TCF12: variants seen among roughly 807,000 people sequenced by gnomAD.
TCF12 encodes transcription factor 12.
A neutral mutation model predicts 86.0 loss-of-function variants in TCF12; 45 were observed. The ratio of observed to expected loss-of-function variants is 0.52; its 90% CI spans 0.41 to 0.67. TCF12 has a LOEUF of 0.67. TCF12 is among the 30% of genes least tolerant of loss of function. TCF12 has a pLI of 0.00. For synonymous variants in TCF12, 330 were observed against 299.6 expected, an observed-to-expected ratio of 1.10 and a Z score of -1.05; for missense variants, 881 against 859.9, an observed-to-expected ratio of 1.02 and a Z score of -0.31.
intron 3 of TCF12, among the ~76,000 whole-genome samples, chr15:57,017,403 T>A (rs2065215483): frequency 1.3e-5 from 2 of 152,240 alleles, no homozygotes; most frequent in African/African-American, 4.8e-5. Context: ...TGTTGTAACA[T>A]AGCCGCACCA....
chr15:56,997,403 A>C (rs2063772088), intron 3 of TCF12, among the ~76,000 whole-genome samples: 1 of 152,222 alleles, frequency 6.6e-6, no homozygotes, highest in South Asian at 2.1e-4. Context: ...CTCACTTACA[A>C]GTGAGAGCTA....
intron 6 of TCF12, among the ~76,000 whole-genome samples, chr15:57,187,338 G>A (rs1311167565): frequency 3.3e-5 from 5 of 152,026 alleles, no homozygotes; most frequent in Non-Finnish European, 7.4e-5. Flanking sequence ...AAACCATCTC[G>A]CTAAGATTGG....
chr15:56,918,367 C>T (rs1167972389), upstream of TCF12: 1 of 390,492 alleles, frequency 2.6e-6, no homozygotes, highest in Non-Finnish European at 5.2e-6. Context: ...GTACCTGCCA[C>T]CCCGCTCCCA....
chr15:57,287,529 T>G lies in TCF12; in HGVS notation c.*1384T>G, dbSNP rs2061971773. The G allele has an allele frequency of 6.6e-6, 1 of 152,642 alleles. No individual in the cohort carries two copies. The allele number at this position is 152,642 out of a possible 1,614,324, so 9.5% of individuals were successfully genotyped here. ...CTCTGTCTCTAATCCTTAGGAGTTG[T>G]TTTAAAAGACATAATCACTTTGAAC... On this transcript the variant is annotated 3_prime_UTR_variant, in exon 21 of 21. Transcript: ENST00000333725.
intron 3 of TCF12, among the ~76,000 whole-genome samples, chr15:57,056,188 T>A (rs1007174252): frequency 4.6e-5 from 7 of 151,390 alleles, no homozygotes; most frequent in African/African-American, 1.5e-4. Flanking sequence ...TTGCCCAGGC[T>A]GGAGTGCAAT....
intron 5 of TCF12, among the ~76,000 whole-genome samples, chr15:57,106,370 G>A (rs1027238018): frequency 6.6e-6 from 1 of 152,196 alleles, no homozygotes; most frequent in African/African-American, 2.4e-5. Context: ...GGAATTTTCT[G>A]TACTAACTGA....
chr15:57,254,874 A>AAAG (rs71113092), intron 16 of TCF12, among the ~76,000 whole-genome samples: 47,193 of 104,180 alleles, frequency 0.45, 12,233 homozygotes, highest in Non-Finnish European at 0.63. Flanking sequence ...AAAAAAAAAA[A>AAAG]AAAGAAAGAA....
intron 1 of TCF12, 165 bp from the exon 2 acceptor site, chr15:56,919,727 G>T (rs1422704858): frequency 3.8e-6 from 2 of 526,780 alleles, no homozygotes; most frequent in Non-Finnish European, 6.6e-6. Context: ...CGGGCACTGA[G>T]CCCTCCCGCC....
chr15:57,152,554 C>T (rs1309568304), intron 5 of TCF12, among the ~76,000 whole-genome samples: 1 of 141,260 alleles, frequency 7.1e-6, no homozygotes, highest in Non-Finnish European at 1.5e-5. Flanking sequence ...AAAAAAAAAA[C>T]AGAGGTAAAT....
Position 57,253,387 on chromosome 15 carries a change from A to C in TCF12, c.1386A>C (p.Pro462=). The change falls in exon 16 of 21, where the codon CCA becomes CCC. Residue 462 remains proline (P), a synonymous_variant. Transcript: ENST00000333725. ...GTGATATACATAGTTTATTGGGACC[A>C]TCCCATAATGCACCAATTGGAAGCC... The part of the protein sequence containing the change: ...GHSDIHSLLG[P]SHNAPIGSLN... 4 of 1,614,154 alleles carry C rather than the reference A, an allele frequency of 2.5e-6. No individual in the cohort carries two copies. The highest frequency in any genetic ancestry group is 3.4e-6 in the Non-Finnish European group (4 of 1,179,998).
Position 57,230,950 on chromosome 15 carries a change from A to G in TCF12, c.580-202A>G, listed in dbSNP as rs533619939. On this transcript the variant is annotated intron_variant, in intron 8 of 20. Transcript: ENST00000333725. ...AGAGTAGTAGTTTTCCCTAATAACCAGCTTAAAAAAAAAAAACATGTGGAT... is the reference window on the plus strand; with the variant it reads ...AGAGTAGTAGTTTTCCCTAATAACCGGCTTAAAAAAAAAAAACATGTGGAT... Among the ~76,000 whole-genome samples the G allele has an allele frequency of 5.9e-5, 7 of 117,984 alleles. No individual in the cohort carries two copies. In the East Asian group the frequency reaches 1.6e-3, roughly 27 times the overall value. The allele number at this position is 117,984 out of a possible 152,430, so 77.4% of individuals were successfully genotyped here.
intron 2 of TCF12, among the ~76,000 whole-genome samples, chr15:56,920,567 C>T (rs1275664373): frequency 6.6e-6 from 1 of 151,546 alleles, no homozygotes; most frequent in Non-Finnish European, 1.5e-5. Context: ...TAAGGGCCCA[C>T]TGCTTTTATT....
At chr15:57,162,509 C>T (rs1326432796) in intron 5 of TCF12, among the ~76,000 whole-genome samples, 1 of 152,090 alleles carries the variant, frequency 6.6e-6, no homozygotes, top group Non-Finnish European at 1.5e-5. Flanking sequence ...AATGTATTTA[C>T]AGTTCAAAAT....
intron 8 of TCF12, among the ~76,000 whole-genome samples, chr15:57,230,415 T>C (rs1258169123): frequency 3.9e-5 from 6 of 152,010 alleles, no homozygotes; most frequent in African/African-American, 1.4e-4. Context: ...TTTTGATCAT[T>C]AAGGTTATTT....
At chr15:56,994,086 A>G (rs1477021931) in intron 3 of TCF12, among the ~76,000 whole-genome samples, 9 of 152,218 alleles carry the variant, frequency 5.9e-5, no homozygotes, top group South Asian at 2.1e-4. Context: ...GAAAAATACA[A>G]TAAGTTAGGG....
chr15:57,142,234 A>G (rs1401066070), intron 5 of TCF12, among the ~76,000 whole-genome samples: 2 of 152,178 alleles, frequency 1.3e-5, no homozygotes, highest in East Asian at 3.8e-4. Context: ...AAATATAGGA[A>G]GGAACAAAAC....
At chr15:57,250,605 T>C (rs2060064643) in intron 13 of TCF12, among the ~76,000 whole-genome samples, 1 of 152,096 alleles carries the variant, frequency 6.6e-6, no homozygotes, top group Admixed American at 6.6e-5. Context: ...GGTGTGTGCC[T>C]GTAATCCCAG....
chr15:57,232,666 A>G (rs1470687828), intron 10 of TCF12, 46 bp from the exon 11 acceptor site: 2 of 1,572,504 alleles, frequency 1.3e-6, no homozygotes, highest in Admixed American at 1.8e-5. Context: ...TTATGTGAAT[A>G]TTATTCAGAA....
At chr15:57,036,614 G>A (rs1173066863) in intron 3 of TCF12, among the ~76,000 whole-genome samples, 1 of 152,128 alleles carries the variant, frequency 6.6e-6, no homozygotes, top group Non-Finnish European at 1.5e-5. Context: ...GGTGTTGAAC[G>A]TCTATTTTAT....
Sources: allele counts gnomAD v4.1 joint callset (sites outside exome capture counted in the v4.1 genomes callset), GRCh38; gene constraint gnomAD v4.1.1; transcripts MANE v1.5; gene names NCBI Gene and HGNC (gene_info 2026-07-23, HGNC 2026-07-21).